Variants in CACNA2D1 observed in about 807,000 individuals in gnomAD.
The protein encoded by CACNA2D1 is voltage-dependent calcium channel subunit alpha-2/delta-1.
A neutral mutation model predicts 171.5 loss-of-function variants in CACNA2D1; 53 were observed. The observed-to-expected ratio is 0.31, with a 90% CI of 0.25 to 0.39. The LOEUF (loss-of-function observed/expected upper bound fraction) is 0.39. Ranked by LOEUF, CACNA2D1 falls within the 10% of genes least tolerant of loss-of-function variation. CACNA2D1 has a pLI of 1.00. For missense variants in CACNA2D1, 903 were observed against 1,299.8 expected (o/e 0.69, Z 4.69); for synonymous variants, 442 against 443.1 (o/e 1.00, Z 0.03).
At chr7:82,291,470 TATATAA>T (rs1811574033) in intron 3 of CACNA2D1, among the ~76,000 whole-genome samples, 2 of 134,690 alleles carry the variant, frequency 1.5e-5, no homozygotes, top group South Asian at 4.3e-4. Flanking sequence ...AAATATATAA[TATATAA>T]AAATATATTA....
chr7:82,185,489 GA>G, intron 3 of CACNA2D1, among the ~76,000 whole-genome samples: 2 of 17,648 alleles, frequency 1.1e-4, no homozygotes, highest in Non-Finnish European at 2.6e-4. Flanking sequence ...GGGGGAGGAG[GA>G]GGGGGAGGGG....
chr7:82,057,132 T>C (rs776747368), intron 10 of CACNA2D1, among the ~76,000 whole-genome samples: 2 of 152,166 alleles, frequency 1.3e-5, no homozygotes, highest in Non-Finnish European at 2.9e-5. Flanking sequence ...CTGCTAATAA[T>C]AATTTTTTAA....
chr7:82,347,309 C>T (rs1819360381), intron 2 of CACNA2D1, among the ~76,000 whole-genome samples: 1 of 152,040 alleles, frequency 6.6e-6, no homozygotes, highest in African/African-American at 2.4e-5. Flanking sequence ...GACAGGGTCT[C>T]ACTCTGAAGC....
intron 5 of CACNA2D1, among the ~76,000 whole-genome samples, chr7:82,123,814 G>A (rs997289270): frequency 2.0e-5 from 3 of 152,138 alleles, no homozygotes; most frequent in African/African-American, 7.2e-5. Flanking sequence ...TAAAGTTATA[G>A]TAATAGCTAG....
At chr7:82,274,073 A>C (rs915394537) in intron 3 of CACNA2D1, among the ~76,000 whole-genome samples, 1 of 152,092 alleles carries the variant, frequency 6.6e-6, no homozygotes, top group East Asian at 1.9e-4. Flanking sequence ...GCACTTGCTC[A>C]TTAAGCTCCA....
chr7:82,150,136 G>C lies in CACNA2D1; in HGVS notation c.355-13460C>G, dbSNP rs185405001. Among the ~76,000 whole-genome samples, 443 of 151,884 alleles carry C rather than the reference G, an allele frequency of 2.9e-3. 2 individuals carry two copies. Among genetic ancestry groups the C allele is most frequent in the African/African-American group, 0.01 (416 of 41,418 alleles). On this transcript the variant is annotated intron_variant, in intron 4 of 38. Transcript: ENST00000356860. ...TAAGCATTGACTAGTTAGTAATGTGGCTTCCCGAGGCTTTGGTTCCTCCCC... is the reference window on the plus strand; with the variant it reads ...TAAGCATTGACTAGTTAGTAATGTGCCTTCCCGAGGCTTTGGTTCCTCCCC...
chr7:82,026,106 C>A (rs1412040405), intron 12 of CACNA2D1, among the ~76,000 whole-genome samples: 1 of 146,880 alleles, frequency 6.8e-6, no homozygotes, highest in Non-Finnish European at 1.5e-5. Context: ...GCTATCCATA[C>A]TTTCTTTTGG....
At position 82,038,157 on chromosome 7, in the gene CACNA2D1, C is replaced by T; in HGVS notation, c.958G>A (p.Asp320Asn). The change falls in exon 11 of 39, where the codon GAC (aspartate) becomes AAC (asparagine). Residue 320 changes from aspartate to asparagine, a missense_variant. By Grantham distance (23) the Asp-to-Asn change is conservative. Around this residue, in one of 5 missense-constraint regions of CACNA2D1, gnomAD observed 623 missense variants for 925.5 expected, o/e 0.67. Transcript: ENST00000356860. Reference sequence around the variant, plus strand: ...TTGGCTGTGATATTATTCACCGCGTCTTTCAACACTTTTTTATTTCTTACA... The same window carrying T: ...TTGGCTGTGATATTATTCACCGCGTTTTTCAACACTTTTTTATTTCTTACA... ...ANVRNKKVLKDAVNNITAKGI... is the reference protein window; with the variant it reads ...ANVRNKKVLKNAVNNITAKGI... 6.2e-7 allele frequency: 1 copy of T among 1,613,546 alleles called. No individual in the cohort carries two copies. The highest frequency in any genetic ancestry group is 8.5e-7 in the Non-Finnish European group (1 of 1,179,610).
chr7:81,985,852 C>T (rs1796908822), intron 21 of CACNA2D1, among the ~76,000 whole-genome samples: 1 of 152,082 alleles, frequency 6.6e-6, no homozygotes, highest in African/African-American at 2.4e-5. Context: ...AATCTTAGGC[C>T]AAATTCAGAA....
chr7:82,104,500 T>C (rs1380228083), intron 6 of CACNA2D1, among the ~76,000 whole-genome samples: 2 of 152,072 alleles, frequency 1.3e-5, no homozygotes, highest in East Asian at 1.9e-4. Context: ...TTTGTCATAC[T>C]ATTTTTACTT....
At chr7:81,963,121 C>T (rs1794338322) in intron 34 of CACNA2D1, among the ~76,000 whole-genome samples, 1 of 151,796 alleles carries the variant, frequency 6.6e-6, no homozygotes, top group Non-Finnish European at 1.5e-5. Context: ...ATTTCAGGGT[C>T]ATGATGAAAT....
chr7:82,062,561 A>C (rs2128978126), intron 9 of CACNA2D1, among the ~76,000 whole-genome samples: 1 of 150,158 alleles, frequency 6.7e-6, no homozygotes, highest in South Asian at 2.1e-4. Context: ...TAGTTTACCT[A>C]ATACATTTGA....
At chr7:82,299,778 T>C (rs766464705) in intron 3 of CACNA2D1, among the ~76,000 whole-genome samples, 26 of 152,266 alleles carry the variant, frequency 1.7e-4, no homozygotes, top group Admixed American at 3.3e-4. Flanking sequence ...ATAAACATAA[T>C]TGATTTCTAC....
intron 5 of CACNA2D1, among the ~76,000 whole-genome samples, chr7:82,131,871 C>T (rs10261817): frequency 0.2 from 30,750 of 152,002 alleles, 3,531 homozygotes; most frequent in African/African-American, 0.32. Flanking sequence ...TACCAGCCAA[C>T]GCATATATAA....
chr7:82,224,475 A>C (rs1802138697), intron 3 of CACNA2D1, among the ~76,000 whole-genome samples: 2 of 152,152 alleles, frequency 1.3e-5, no homozygotes, highest in South Asian at 4.2e-4. Flanking sequence ...AATCCCAGCT[A>C]CTCAGGAGGC....
chr7:82,145,537 ATG>A (rs199850543), intron 4 of CACNA2D1, among the ~76,000 whole-genome samples: 25,597 of 143,906 alleles, frequency 0.18, 2,854 homozygotes, highest in East Asian at 0.39. Flanking sequence ...TATATACAGA[ATG>A]TGTGTGTATA....
intron 10 of CACNA2D1, among the ~76,000 whole-genome samples, chr7:82,059,058 TCTTTCTA>T (rs946057594): frequency 1.2e-4 from 18 of 152,272 alleles, no homozygotes; most frequent in African/African-American, 4.3e-4. Context: ...CCTGCCTTCT[TCTTTCTA>T]GTCTCCCTTG....
At chr7:82,176,845 A>G (rs1384710698) in intron 3 of CACNA2D1, among the ~76,000 whole-genome samples, 2 of 152,046 alleles carry the variant, frequency 1.3e-5, no homozygotes, top group African/African-American at 4.8e-5. Flanking sequence ...TACCATATAC[A>G]TCATATACAC....
At chr7:82,272,424 C>T (rs977165943) in intron 3 of CACNA2D1, among the ~76,000 whole-genome samples, 1 of 152,086 alleles carries the variant, frequency 6.6e-6, no homozygotes, top group Non-Finnish European at 1.5e-5. Flanking sequence ...TTCAAGTGGT[C>T]GGCTGGATAC....
Sources: gnomAD v4.1 joint callset for allele counts (sites outside exome capture counted in the v4.1 genomes callset) on GRCh38, gnomAD v4.1.1 for gene constraint, gnomAD v4.1.1 regional missense constraint, MANE v1.5 for transcripts, NCBI Gene and HGNC (gene_info 2026-07-23, HGNC 2026-07-21) for gene names.